Variants in ANKRD29 observed in about 807,000 individuals in gnomAD.
ANKRD29 encodes the protein ankyrin repeat domain-containing protein 29.
In ANKRD29, 32 loss-of-function variants were observed where a neutral mutation model predicts 38.0. The observed-to-expected ratio is 0.84, with a 90% CI of 0.64 to 1.13. The LOEUF is 1.13. Ranked by LOEUF, ANKRD29 falls within the 50% of genes most tolerant of loss-of-function variation. The pLI is 0.00. For synonymous variants in ANKRD29, 135 were observed against 152.4 expected, an observed-to-expected ratio of 0.89 and a Z score of 0.84; for missense variants, 357 against 377.9, an observed-to-expected ratio of 0.94 and a Z score of 0.46.
At chr18:23,618,276 G>C (rs2059749024) in intron 7 of ANKRD29, among the ~76,000 whole-genome samples, 1 of 152,338 alleles carries the variant, frequency 6.6e-6, no homozygotes, top group South Asian at 2.1e-4. Context: ...TCTGCTCTAG[G>C]CATCCGCCCG....
intron 1 of ANKRD29, among the ~76,000 whole-genome samples, chr18:23,654,702 T>C (rs1183044273): frequency 6.6e-6 from 1 of 150,876 alleles, no homozygotes; most frequent in Non-Finnish European, 1.5e-5. Context: ...TTGTAGAAAA[T>C]TGAGTGCAAG....
chr18:23,599,151 C>T lies in ANKRD29; in HGVS notation c.*2075G>A, dbSNP rs998671106. On this transcript the variant is annotated 3_prime_UTR_variant, in exon 10 of 10. Coordinates refer to ENST00000592179, the MANE Select transcript of ANKRD29 (RefSeq NM_173505.4). ...AAATGCAATTTTGAAAATAACACAC[C>T]TTTCCGTACAGTCTTTGGTAGGTGA... The T allele has an allele frequency of 6.6e-6, 1 of 152,128 alleles. No individual in the cohort carries two copies. The highest frequency in any genetic ancestry group is 2.4e-5 in the African/African-American group (1 of 41,410). 9.4% of individuals were successfully genotyped at this position (152,128 alleles called of 1,614,324 possible).
At chr18:23,660,250 G>A (rs923717390) in intron 1 of ANKRD29, among the ~76,000 whole-genome samples, 1 of 152,254 alleles carries the variant, frequency 6.6e-6, no homozygotes, top group African/African-American at 2.4e-5. Flanking sequence ...TAGCGGGTAT[G>A]AAGTGGTATC....
At chr18:23,627,488 G>A (rs564736104) in intron 6 of ANKRD29, among the ~76,000 whole-genome samples, 13 of 152,328 alleles carry the variant, frequency 8.5e-5, no homozygotes, top group African/African-American at 1.2e-4. Flanking sequence ...GCTATGGCGT[G>A]TTGTGGCTAC....
intron 8 of ANKRD29, among the ~76,000 whole-genome samples, chr18:23,614,316 C>T (rs1378371777): frequency 6.6e-6 from 1 of 152,134 alleles, no homozygotes; most frequent in Admixed American, 6.5e-5. Flanking sequence ...CCCACCTTGG[C>T]CTCCCAAAGA....
At chr18:23,642,642 G>A (rs934283182) in intron 3 of ANKRD29, among the ~76,000 whole-genome samples, 1 of 152,210 alleles carries the variant, frequency 6.6e-6, no homozygotes. Flanking sequence ...GGCAGAAGGC[G>A]CTGCTAGCCA....
intron 1 of ANKRD29, among the ~76,000 whole-genome samples, chr18:23,651,054 A>C (rs1273894527): frequency 6.6e-6 from 1 of 152,214 alleles, no homozygotes; most frequent in Non-Finnish European, 1.5e-5. Context: ...AAATACCAAC[A>C]ATTTCAGCTA....
At chr18:23,619,745 CCG>C in intron 6 of ANKRD29, 116 bp from the exon 7 acceptor site, 1 of 783,970 alleles carries the variant, frequency 1.3e-6, no homozygotes, top group Non-Finnish European at 2.0e-6. Context: ...CACTCCCTGA[CCG>C]CAGATCACAC....
intron 5 of ANKRD29, among the ~76,000 whole-genome samples, chr18:23,631,237 CTCT>C (rs1296025412): frequency 2.0e-5 from 3 of 148,402 alleles, no homozygotes; most frequent in Non-Finnish European, 3.0e-5. Flanking sequence ...GTCTCTCTCT[CTCT>C]TCTTTTTTTT....
At chr18:23,662,484 G>A (rs1331070078) in intron 1 of ANKRD29, among the ~76,000 whole-genome samples, 1 of 152,122 alleles carries the variant, frequency 6.6e-6, no homozygotes, top group Admixed American at 6.5e-5. Context: ...CCATGAGTGC[G>A]AAGCCTCTCA....
intron 9 of ANKRD29, among the ~76,000 whole-genome samples, chr18:23,605,563 G>A (rs1043675517): frequency 9.2e-5 from 14 of 151,964 alleles, no homozygotes; most frequent in African/African-American, 1.7e-4. Context: ...GTCTCGCTCC[G>A]TCACCCAGGC....
intron 9 of ANKRD29, among the ~76,000 whole-genome samples, chr18:23,606,328 C>T (rs1017798158): frequency 1.3e-5 from 2 of 152,174 alleles, no homozygotes; most frequent in African/African-American, 2.4e-5. Context: ...CTGTATGGCC[C>T]ATGCTGGTCT....
At chr18:23,611,436 C>A (rs977958763) in intron 9 of ANKRD29, among the ~76,000 whole-genome samples, 1 of 152,172 alleles carries the variant, frequency 6.6e-6, no homozygotes, top group African/African-American at 2.4e-5. Flanking sequence ...GTAATCCCAG[C>A]ACTTTGGGAG....
chr18:23,617,023 A>C (rs113450865), intron 8 of ANKRD29, among the ~76,000 whole-genome samples: 4,727 of 152,138 alleles, frequency 0.031, 136 homozygotes, highest in South Asian at 0.12. Context: ...GTTCAAGACC[A>C]GCCTGGCCAA....
At chr18:23,603,560 G>A (rs1472684326) in intron 9 of ANKRD29, among the ~76,000 whole-genome samples, 4 of 152,226 alleles carry the variant, frequency 2.6e-5, no homozygotes, top group East Asian at 3.8e-4. Flanking sequence ...TTGAACCTGG[G>A]AGGCGGAGGT....
intron 3 of ANKRD29, among the ~76,000 whole-genome samples, chr18:23,641,705 A>G (rs1467164684): frequency 6.6e-6 from 1 of 151,822 alleles, no homozygotes; most frequent in Non-Finnish European, 1.5e-5. Flanking sequence ...ATCAGCACAC[A>G]CTCCCTCCTT....
intron 3 of ANKRD29, among the ~76,000 whole-genome samples, chr18:23,645,114 C>T (rs748542898): frequency 6.6e-6 from 1 of 152,128 alleles, no homozygotes; most frequent in Non-Finnish European, 1.5e-5. Flanking sequence ...CCAAGGAAAA[C>T]CAAGTGGTTC....
rs918722999 is a variant in ANKRD29 at position 23,660,987 on chromosome 18, C to G, written c.21+1723G>C. Among the ~76,000 whole-genome samples the G allele has an allele frequency of 4.6e-5, 7 of 152,316 alleles. No homozygotes were observed. In the South Asian group the frequency reaches 1.2e-3, roughly 27 times the overall value. On this transcript the variant is annotated intron_variant, in intron 1 of 9. Transcript: ENST00000592179. ...CTATTCCGTCACTAAATCCAATGGA[C>G]TTTTCAATTCTTTGTTTATTTGATT... is the stretch of plus-strand genomic sequence containing the variant.
intron 6 of ANKRD29, 53 bp from the exon 7 acceptor site, chr18:23,619,682 G>A (rs1278616930): frequency 6.2e-6 from 9 of 1,451,274 alleles, no homozygotes; most frequent in Non-Finnish European, 7.3e-6. Flanking sequence ...GGCCCCACCC[G>A]CTCACAGAAC....
Sources: allele counts gnomAD v4.1 joint callset (sites outside exome capture counted in the v4.1 genomes callset), GRCh38; gene constraint gnomAD v4.1.1; transcripts MANE v1.5; gene names NCBI Gene and HGNC (gene_info 2026-07-23, HGNC 2026-07-21).